Variants in CNTN5 observed in about 807,000 individuals in gnomAD.
CNTN5 encodes contactin 5.
CNTN5 carries 77 observed loss-of-function variants against 129.1 expected under a neutral mutation model. The observed-to-expected ratio is 0.60, with a 90% CI of 0.50 to 0.72. The LOEUF is 0.72. CNTN5 is among the 30% of genes least tolerant of loss of function. The pLI is 0.00. For synonymous variants in CNTN5, 509 were observed against 465.6 expected (o/e 1.09, Z -1.20); for missense variants, 1,478 against 1,328.8 (o/e 1.11, Z -1.75).
At chr11:100,302,190 A>C (rs1442096734) in intron 20 of CNTN5, among the ~76,000 whole-genome samples, 1 of 151,650 alleles carries the variant, frequency 6.6e-6, no homozygotes, top group Non-Finnish European at 1.5e-5. Context: ...AATTTGCTTT[A>C]CTTAAAAAGG....
rs561242919 is a variant in CNTN5, at chr11:100,098,203, G to A, written c.1580+23909G>A. Among the ~76,000 whole-genome samples the A allele has an allele frequency of 8.8e-4, 133 of 151,742 alleles. 1 individual carries two copies. Among genetic ancestry groups the A allele is most frequent in the Non-Finnish European group, 1.2e-3 (81 of 67,924 alleles). On this transcript the variant is annotated intron_variant, in intron 13 of 24. Coordinates refer to ENST00000524871, the MANE Select transcript of CNTN5 (RefSeq NM_014361.4). The stretch of plus-strand genomic sequence containing the variant: ...ACATCTCAACATGAATTATAGCTAT[G>A]TATAAGCAAAAAAAAGTATTTGACT...
intron 3 of CNTN5, among the ~76,000 whole-genome samples, chr11:99,721,616 A>C (rs1943175897): frequency 6.6e-6 from 1 of 152,198 alleles, no homozygotes; most frequent in African/African-American, 2.4e-5. Flanking sequence ...TCGTAACAAA[A>C]GTAAAAATTG....
intron 1 of CNTN5, among the ~76,000 whole-genome samples, chr11:99,236,469 A>AACAC (rs33985126): frequency 2.0e-4 from 30 of 149,994 alleles, no homozygotes; most frequent in African/African-American, 4.7e-4. Context: ...CTCACACACA[A>AACAC]ACACACACAC....
Position 100,257,424 on chromosome 11 carries a change from G to A in CNTN5, c.2164+1506G>A, listed in dbSNP as rs117538513. 4.8e-3 allele frequency among the ~76,000 whole-genome samples: 737 copies of A among 152,240 alleles called. 17 individuals are homozygous for A. Among genetic ancestry groups the A allele is most frequent in the East Asian group, 0.046 (237 of 5,130 alleles). ...AGAGCAGCAGATCTCCCAGCGCAGC[G>A]CTCAAGCCCTGCTAAGGGACAGACT... On this transcript the variant is annotated intron_variant, in intron 17 of 24. Transcript: ENST00000524871.
At chr11:99,230,764 G>A (rs924893409) in intron 1 of CNTN5, among the ~76,000 whole-genome samples, 1 of 152,084 alleles carries the variant, frequency 6.6e-6, no homozygotes, top group African/African-American at 2.4e-5. Context: ...CCATCACATA[G>A]GTATTAAGCC....
At chr11:99,060,160 G>A (rs1334027223) in intron 1 of CNTN5, among the ~76,000 whole-genome samples, 1 of 151,984 alleles carries the variant, frequency 6.6e-6, no homozygotes, top group Non-Finnish European at 1.5e-5. Flanking sequence ...GTATGTATGG[G>A]CCTGTAAATA....
intron 21 of CNTN5, among the ~76,000 whole-genome samples, chr11:100,316,026 T>C (rs1335509627): frequency 6.6e-6 from 1 of 152,184 alleles, no homozygotes; most frequent in African/African-American, 2.4e-5. Context: ...TTAGGTTCAG[T>C]TTTGAATTTA....
intron 3 of CNTN5, among the ~76,000 whole-genome samples, chr11:99,713,013 C>T (rs1591518701): frequency 6.6e-6 from 1 of 151,962 alleles, no homozygotes; most frequent in Non-Finnish European, 1.5e-5. Context: ...TTTGCCAATT[C>T]TGTGAAGAAA....
intron 1 of CNTN5, among the ~76,000 whole-genome samples, chr11:99,284,524 T>TA (rs1213514718): frequency 6.6e-6 from 1 of 151,880 alleles, no homozygotes; most frequent in Non-Finnish European, 1.5e-5. Context: ...TTACCAGTGG[T>TA]CTATTTAGGA....
At chr11:99,806,816 CAAA>C (rs34469797) in intron 3 of CNTN5, among the ~76,000 whole-genome samples, 1 of 128,772 alleles carries the variant, frequency 7.8e-6, no homozygotes, top group Admixed American at 7.9e-5. Flanking sequence ...CCACCCCCTG[CAAA>C]AAAAAAAAAA....
intron 3 of CNTN5, among the ~76,000 whole-genome samples, chr11:99,723,806 T>C (rs963939610): frequency 6.6e-6 from 1 of 152,094 alleles, no homozygotes; most frequent in Non-Finnish European, 1.5e-5. Flanking sequence ...GTGTGTTTTG[T>C]TTAAATAATG....
At chr11:99,104,079 G>A (rs564723889) in intron 1 of CNTN5, among the ~76,000 whole-genome samples, 44 of 152,238 alleles carry the variant, frequency 2.9e-4, no homozygotes, top group African/African-American at 1.0e-3. Context: ...TAAATGCATA[G>A]AAACAAACAT....
At chr11:99,076,571 T>A (rs1217935885) in intron 1 of CNTN5, among the ~76,000 whole-genome samples, 3 of 152,100 alleles carry the variant, frequency 2.0e-5, no homozygotes, top group South Asian at 2.1e-4. Flanking sequence ...GACTTTAATA[T>A]TAAAAGATAA....
intron 24 of CNTN5, among the ~76,000 whole-genome samples, chr11:100,352,437 AGAT>A (rs1831664852): frequency 6.6e-6 from 1 of 151,718 alleles, no homozygotes; most frequent in African/African-American, 2.4e-5. Flanking sequence ...TTTGAGGAAA[AGAT>A]GCATCATATC....
At chr11:99,406,322 TG>T (rs1304996839) in intron 2 of CNTN5, among the ~76,000 whole-genome samples, 2 of 152,088 alleles carry the variant, frequency 1.3e-5, no homozygotes, top group East Asian at 3.9e-4. Flanking sequence ...TTGATGGTCT[TG>T]GATAAGAGCC....
chr11:99,743,429 T>G (rs1447554050), intron 3 of CNTN5, among the ~76,000 whole-genome samples: 1 of 152,152 alleles, frequency 6.6e-6, no homozygotes, highest in Admixed American at 6.5e-5. Flanking sequence ...TAGAACCAAC[T>G]TACTTATGCT....
chr11:100,149,052 C>T (rs1946956148), intron 13 of CNTN5, among the ~76,000 whole-genome samples: 1 of 152,162 alleles, frequency 6.6e-6, no homozygotes, highest in African/African-American at 2.4e-5. Context: ...GATGAAACAT[C>T]AGCGTTTTTT....
intron 13 of CNTN5, among the ~76,000 whole-genome samples, chr11:100,097,850 G>T (rs986918546): frequency 4.6e-5 from 7 of 151,992 alleles, no homozygotes. Context: ...TTGTATATTG[G>T]AGGCAAAACT....
intron 1 of CNTN5, among the ~76,000 whole-genome samples, chr11:99,302,805 G>T (rs2135948822): frequency 6.6e-6 from 1 of 151,726 alleles, no homozygotes; most frequent in South Asian, 2.1e-4. Context: ...TCCTATACTT[G>T]AGAATTCTAT....
Sources: gnomAD v4.1 joint callset for allele counts (sites outside exome capture counted in the v4.1 genomes callset) on GRCh38, gnomAD v4.1.1 for gene constraint, MANE v1.5 for transcripts, NCBI Gene and HGNC (gene_info 2026-07-23, HGNC 2026-07-21) for gene names.